RNF111: variants seen among roughly 807,000 people sequenced by gnomAD.
RNF111 encodes ring finger protein 111.
RNF111 carries 17 observed loss-of-function variants against 95.1 expected under a neutral mutation model. The observed-to-expected ratio is 0.18, with a 90% confidence interval of 0.12 to 0.27. The LOEUF is 0.27. RNF111 is among the 10% of genes least tolerant of loss of function. The probability of loss-of-function intolerance (pLI) is 1.00; values close to 1 mark genes in which losing one functional copy is unlikely to be tolerated. For synonymous variants in RNF111, 440 were observed against 414.8 expected (o/e 1.06, Z -0.74); for missense variants, 1,189 against 1,210.4 (o/e 0.98, Z 0.26).
chr15:59,036,764 C>T (rs1219997448), intron 2 of RNF111, among the ~76,000 whole-genome samples: 1 of 152,158 alleles, frequency 6.6e-6, no homozygotes, highest in Non-Finnish European at 1.5e-5. Flanking sequence ...TTAAAATACT[C>T]CAAGACCCAA....
At chr15:58,996,079 TC>T (rs768234342) in intron 1 of RNF111, among the ~76,000 whole-genome samples, 15 of 152,008 alleles carry the variant, frequency 9.9e-5, no homozygotes, top group Non-Finnish European at 1.9e-4. Context: ...GCAATTTTTT[TC>T]TTCTTTTCTT....
At chr15:59,027,490 T>G (rs2040674190) in intron 1 of RNF111, among the ~76,000 whole-genome samples, 1 of 152,188 alleles carries the variant, frequency 6.6e-6, no homozygotes, top group African/African-American at 2.4e-5. Flanking sequence ...TTGTAGAACA[T>G]TTTCAGTTCA....
chr15:59,034,129 G>A (rs1470016689), intron 2 of RNF111, among the ~76,000 whole-genome samples: 1 of 152,138 alleles, frequency 6.6e-6, no homozygotes, highest in Non-Finnish European at 1.5e-5. Flanking sequence ...GATAAATAAT[G>A]TGGCTCTTTT....
In RNF111 at chr15:59,089,746, G is replaced by C; in HGVS notation, c.2630G>C (p.Arg877Thr). ...GGAACATCATTCAGAGGTCCTTTCA[G>C]GGGCAATTTTGAGGTATGTAATAAA... ...LDGTSFRGPF[R>T]GNFEELIHLE... The change falls in exon 11 of 14, where the codon AGG (arginine) becomes ACG (threonine). Residue 877 changes from arginine (R) to threonine (T), a missense_variant. Arg to Thr is a moderately conservative substitution (Grantham distance 71). This residue lies in a region of RNF111 where 165 missense variants were observed against 284.6 expected (regional missense o/e 0.58). Coordinates refer to ENST00000348370, the MANE Select transcript of RNF111 (RefSeq NM_017610.8). 6.2e-7 allele frequency: 1 copy of C among 1,611,232 alleles called. No individual in the cohort carries two copies. Among genetic ancestry groups the C allele is most frequent in the Non-Finnish European group, 8.5e-7 (1 of 1,177,688 alleles).
intron 5 of RNF111, among the ~76,000 whole-genome samples, chr15:59,060,903 G>C (rs993118486): frequency 6.6e-6 from 1 of 151,684 alleles, no homozygotes; most frequent in Non-Finnish European, 1.5e-5. Flanking sequence ...CCAGGCTCAA[G>C]TGATCCTCCC....
At chr15:59,084,069 A>G in intron 8 of RNF111, 60 bp from the exon 9 acceptor site, 2 of 1,478,368 alleles carry the variant, frequency 1.4e-6, no homozygotes, top group African/African-American at 1.4e-5. Context: ...CTACATTAAG[A>G]AAAGAAATAA....
chr15:59,039,540 A>G (rs1394508517), intron 2 of RNF111, among the ~76,000 whole-genome samples: 1 of 152,054 alleles, frequency 6.6e-6, no homozygotes, highest in Admixed American at 6.6e-5. Context: ...GTCTTTTTAT[A>G]CTTTTTTAAA....
intron 3 of RNF111, among the ~76,000 whole-genome samples, chr15:59,054,257 G>A (rs1485038046): frequency 6.6e-6 from 1 of 152,094 alleles, no homozygotes; most frequent in Non-Finnish European, 1.5e-5. Flanking sequence ...ATTTAAGAGA[G>A]TATTTCTTTG....
chr15:59,030,780 T>G lies in RNF111; in HGVS notation c.-19-24T>G, dbSNP rs771049912. On this transcript the variant is annotated intron_variant, in intron 1 of 13. Transcript: ENST00000348370. Reference sequence around the variant, plus strand: ...ATAATAAAACACATTAAAAATCTTTTAAATATCTAATTTTGTCTTCTAGGC... The same window carrying G: ...ATAATAAAACACATTAAAAATCTTTGAAATATCTAATTTTGTCTTCTAGGC... 6 of 1,475,648 alleles carry G rather than the reference T, an allele frequency of 4.1e-6. No individual in the cohort carries two copies. In the South Asian group the frequency reaches 5.6e-5, roughly 14 times the overall value. The allele number at this position is 1,475,648 out of a possible 1,614,324, so 91.4% of individuals were successfully genotyped here.
chr15:59,060,779 A>G (rs1484552036), intron 5 of RNF111, among the ~76,000 whole-genome samples: 1 of 148,514 alleles, frequency 6.7e-6, no homozygotes, highest in Non-Finnish European at 1.5e-5. Context: ...TTGTAGCTTT[A>G]TGTAGCATTA....
intron 6 of RNF111, among the ~76,000 whole-genome samples, chr15:59,070,771 C>A (rs896540941): frequency 5.3e-5 from 8 of 152,152 alleles, no homozygotes; most frequent in Admixed American, 6.6e-5. Context: ...TCCCCCTAAA[C>A]CTAGAGCTCA....
At position 59,076,089 on chromosome 15, in the gene RNF111, G is replaced by A. The variant is rs758490550; in HGVS notation, c.1822G>A (p.Ala608Thr). 6.2e-7 allele frequency: 1 copy of A among 1,614,158 alleles called. No individual in the cohort carries two copies. Among genetic ancestry groups the A allele is most frequent in the South Asian group, 1.1e-5 (1 of 91,090 alleles). ...RAAIFGHQAA[A>T]AAPSQPLSSI... ...TGCAATCTTTGGCCATCAGGCCGCT[G>A]CTGCTGCCCCAAGTCAACCTTTATC... Residue 608 changes from alanine to threonine, a missense_variant, in exon 7 of 14, where the codon GCT becomes ACT. Ala to Thr is a moderately conservative substitution (Grantham distance 58). Around this residue, in one of 2 missense-constraint regions of RNF111, gnomAD observed 1,024 missense variants for 925.9 expected, o/e 1.11. Coordinates refer to ENST00000348370, the MANE Select transcript of RNF111 (RefSeq NM_017610.8).
At chr15:59,019,440 C>T (rs1041546213) in intron 1 of RNF111, among the ~76,000 whole-genome samples, 3 of 152,186 alleles carry the variant, frequency 2.0e-5, no homozygotes, top group East Asian at 3.9e-4. Context: ...TAATTTGTGA[C>T]GGAGCCAATT....
chr15:59,043,210 A>G (rs2041550717), intron 2 of RNF111, among the ~76,000 whole-genome samples: 2 of 150,150 alleles, frequency 1.3e-5, no homozygotes, highest in Non-Finnish European at 3.0e-5. Context: ...GCTGGAGTGC[A>G]GTGGTGCGAT....
At chr15:59,086,210 C>G (rs958653381) in intron 10 of RNF111, among the ~76,000 whole-genome samples, 5 of 152,250 alleles carry the variant, frequency 3.3e-5, no homozygotes, top group African/African-American at 1.2e-4. Context: ...ACCTCCACCT[C>G]CTGGGTTCAA....
intron 5 of RNF111, among the ~76,000 whole-genome samples, chr15:59,063,220 C>G (rs1212716356): frequency 1.3e-5 from 2 of 152,156 alleles, no homozygotes. Flanking sequence ...ATTGTGCAAG[C>G]ATGTTTCTGG....
At position 59,058,484 on chromosome 15, in the gene RNF111, C is replaced by T; in HGVS notation, c.1300C>T (p.Pro434Ser). The T allele has an allele frequency of 6.2e-7, 1 of 1,614,070 alleles. No homozygotes were observed. Residue 434 changes from proline (P) to serine (S), a missense_variant, in exon 5 of 14, where the codon CCT becomes TCT. Transcript: ENST00000348370. Reference protein sequence around the residue: ...DTASAVTSSQPSTVSETSATL... With the variant: ...DTASAVTSSQSSTVSETSATL... ...TGCTTCAGCTGTCACCAGTAGCCAA[C>T]CTTCCACAGTGTCAGAGACTTCAGC... is the stretch of plus-strand genomic sequence containing the variant.
Position 59,095,941 on chromosome 15 carries a change from A to G in RNF111, c.*1041A>G. On this transcript the variant is annotated 3_prime_UTR_variant, in exon 14 of 14. Transcript: ENST00000348370. ...GGGATTTTTATTAGTTTAAAGGTAAATAAAGTCAGCTGAATCTACATGTCT... is the reference window on the plus strand; with the variant it reads ...GGGATTTTTATTAGTTTAAAGGTAAGTAAAGTCAGCTGAATCTACATGTCT... The G allele has an allele frequency of 2.5e-6, 1 of 398,332 alleles. No individual in the cohort carries two copies. Among genetic ancestry groups the G allele is most frequent in the Non-Finnish European group, 4.4e-6 (1 of 225,632 alleles). 24.7% of individuals were successfully genotyped at this position (398,332 alleles called of 1,614,324 possible).
chr15:59,022,354 TA>T (rs2040387377), intron 1 of RNF111, among the ~76,000 whole-genome samples: 1 of 152,224 alleles, frequency 6.6e-6, no homozygotes, highest in Non-Finnish European at 1.5e-5. Flanking sequence ...AAAGTCTGTC[TA>T]AATGTAAGGG....
Sources: gnomAD v4.1 joint callset for allele counts (sites outside exome capture counted in the v4.1 genomes callset) on GRCh38, gnomAD v4.1.1 for gene constraint, gnomAD v4.1.1 regional missense constraint, MANE v1.5 for transcripts, NCBI Gene and HGNC (gene_info 2026-07-23, HGNC 2026-07-21) for gene names.